Variants in BACH2 observed in about 807,000 individuals in gnomAD.
BACH2 encodes BACH transcriptional regulator 2, also known as transcription regulator protein BACH2.
In BACH2, 5 loss-of-function variants were observed where a neutral mutation model predicts 61.8. The ratio of observed to expected loss-of-function variants is 0.08; its 90% CI spans 0.04 to 0.17. The LOEUF (loss-of-function observed/expected upper bound fraction) is 0.17, where lower values mean the gene tolerates loss of function less well. Ranked by LOEUF, BACH2 falls within the 10% of genes least tolerant of loss-of-function variation. The pLI is 1.00. For missense variants in BACH2, 824 were observed against 1,091.1 expected (o/e 0.76, Z 3.45); for synonymous variants, 446 against 440.1 (o/e 1.01, Z -0.17).
At chr6:90,026,310 G>T (rs1452240749) in intron 5 of BACH2, among the ~76,000 whole-genome samples, 1 of 152,164 alleles carries the variant, frequency 6.6e-6, no homozygotes, top group East Asian at 1.9e-4. Context: ...CTATCAAAGT[G>T]CTATAATTAA....
intron 6 of BACH2, among the ~76,000 whole-genome samples, chr6:89,969,592 C>A (rs1775247551): frequency 6.6e-6 from 1 of 152,146 alleles, no homozygotes; most frequent in African/African-American, 2.4e-5. Flanking sequence ...AATATTGTGA[C>A]CCTGACCTTG....
At chr6:89,955,220 TTTC>T (rs781119164) in intron 6 of BACH2, among the ~76,000 whole-genome samples, 111 of 152,322 alleles carry the variant, frequency 7.3e-4, no homozygotes, top group Non-Finnish European at 1.4e-3. Flanking sequence ...GTCCAGTCTG[TTTC>T]TTCTTCTGTG....
chr6:90,215,158 C>T (rs1241831527), intron 3 of BACH2, among the ~76,000 whole-genome samples: 1 of 152,036 alleles, frequency 6.6e-6, no homozygotes, highest in African/African-American at 2.4e-5. Flanking sequence ...CTAGTGTTTG[C>T]CTCCACTATG....
chr6:89,926,926 G>C lies in BACH2; in HGVS notation c.*5482C>G, dbSNP rs45610136. 6.5e-6 allele frequency: 1 copy of C among 152,784 alleles called. No individual in the cohort carries two copies. The highest frequency in any genetic ancestry group is 1.5e-5 in the Non-Finnish European group (1 of 68,042). 9.5% of individuals were successfully genotyped at this position (152,784 alleles called of 1,614,324 possible). On this transcript the variant is annotated 3_prime_UTR_variant, in exon 9 of 9. Transcript: ENST00000257749. ...TGTAACCTGTTACAGTCGTTGACCAGTTATGAGAGGTACAGAGGGTTATAC... is the reference window on the plus strand; with the variant it reads ...TGTAACCTGTTACAGTCGTTGACCACTTATGAGAGGTACAGAGGGTTATAC...
At chr6:89,995,160 C>T (rs1463658763) in intron 6 of BACH2, among the ~76,000 whole-genome samples, 5 of 152,150 alleles carry the variant, frequency 3.3e-5, no homozygotes, top group Non-Finnish European at 7.3e-5. Context: ...TAACTTAGCG[C>T]AGTCCATTTT....
chr6:90,093,061 G>A (rs974210657), intron 4 of BACH2, among the ~76,000 whole-genome samples: 1 of 152,132 alleles, frequency 6.6e-6, no homozygotes, highest in African/African-American at 2.4e-5. Flanking sequence ...AGGGGAGGTT[G>A]GTGGAATCCT....
At chr6:89,988,210 C>T (rs943789882) in intron 6 of BACH2, among the ~76,000 whole-genome samples, 1 of 152,338 alleles carries the variant, frequency 6.6e-6, no homozygotes, top group Admixed American at 6.5e-5. Flanking sequence ...TGTACTGTTG[C>T]AGAAGCTTGA....
chr6:90,179,127 C>T (rs1456479728), intron 4 of BACH2, among the ~76,000 whole-genome samples: 7 of 151,806 alleles, frequency 4.6e-5, no homozygotes, highest in African/African-American at 1.2e-4. Context: ...AGTCAGACTC[C>T]GAATATGTGA....
intron 2 of BACH2, among the ~76,000 whole-genome samples, chr6:90,266,420 C>T (rs1372878282): frequency 6.6e-6 from 1 of 152,108 alleles, no homozygotes; most frequent in East Asian, 1.9e-4. Context: ...TTTCTTCTTC[C>T]CTCATGCCTC....
intron 7 of BACH2, among the ~76,000 whole-genome samples, chr6:89,949,349 T>C (rs1458864418): frequency 6.6e-6 from 1 of 152,096 alleles, no homozygotes; most frequent in Non-Finnish European, 1.5e-5. Flanking sequence ...TGGTACCTTG[T>C]CAATCAGCAA....
At chr6:90,215,393 C>T (rs1464293752) in intron 3 of BACH2, among the ~76,000 whole-genome samples, 2 of 152,158 alleles carry the variant, frequency 1.3e-5, no homozygotes, top group Non-Finnish European at 2.9e-5. Flanking sequence ...AGTATAGACA[C>T]CATAGCCCCT....
chr6:90,272,674 C>T (rs911613707), intron 1 of BACH2, among the ~76,000 whole-genome samples: 1 of 152,188 alleles, frequency 6.6e-6, no homozygotes, highest in African/African-American at 2.4e-5. Flanking sequence ...TTCATTTTTG[C>T]TCATTCCCTC....
intron 4 of BACH2, among the ~76,000 whole-genome samples, chr6:90,157,009 C>CT (rs745941386): frequency 3.9e-5 from 6 of 152,170 alleles, no homozygotes; most frequent in Non-Finnish European, 7.3e-5. Flanking sequence ...CTGACAACAC[C>CT]TACAGATTCT....
At chr6:90,025,185 G>A (rs1322492874) in intron 5 of BACH2, among the ~76,000 whole-genome samples, 2 of 152,204 alleles carry the variant, frequency 1.3e-5, no homozygotes, top group African/African-American at 4.8e-5. Context: ...GTGGTGGTGG[G>A]GCAGTGGGTG....
chr6:90,242,017 C>T (rs1262403588), intron 3 of BACH2, among the ~76,000 whole-genome samples: 11 of 151,666 alleles, frequency 7.3e-5, no homozygotes, highest in Admixed American at 3.9e-4. Flanking sequence ...CCCTCTTCCC[C>T]GTTTCCCCTG....
At chr6:89,946,830 A>T (rs1362490014) in intron 7 of BACH2, among the ~76,000 whole-genome samples, 1 of 152,194 alleles carries the variant, frequency 6.6e-6, no homozygotes, top group Non-Finnish European at 1.5e-5. Flanking sequence ...TCTAGAATTT[A>T]AAAAAGAATG....
chr6:90,283,955 C>T (rs1251874316), intron 1 of BACH2, among the ~76,000 whole-genome samples: 3 of 151,600 alleles, frequency 2.0e-5, no homozygotes, highest in Admixed American at 6.6e-5. Context: ...TGCAGTGGGC[C>T]GAGATCGCAC....
chr6:89,941,472 G>A (rs981896933), intron 7 of BACH2, among the ~76,000 whole-genome samples: 5 of 152,188 alleles, frequency 3.3e-5, no homozygotes, highest in Non-Finnish European at 5.9e-5. Flanking sequence ...CACCACTGTC[G>A]GCTTGGCCCT....
intron 5 of BACH2, among the ~76,000 whole-genome samples, chr6:90,017,002 GTTTTCCTCATGTTTCT>G (rs1480031779): frequency 6.6e-6 from 1 of 151,868 alleles, no homozygotes; most frequent in Non-Finnish European, 1.5e-5. Context: ...CCTTTGTGTA[GTTTTCCTCATGTTTCT>G]TGAGCTTCTT....
Sources: allele counts gnomAD v4.1 joint callset (sites outside exome capture counted in the v4.1 genomes callset), GRCh38; gene constraint gnomAD v4.1.1; transcripts MANE v1.5; gene names NCBI Gene and HGNC (gene_info 2026-07-23, HGNC 2026-07-21).